GLIS3: variants seen among roughly 807,000 people sequenced by gnomAD.
The protein encoded by GLIS3 is zinc finger protein GLIS3.
In GLIS3, 53 loss-of-function variants were observed where a neutral mutation model predicts 78.6. The ratio of observed to expected loss-of-function variants is 0.67; its 90% confidence interval spans 0.54 to 0.85. The LOEUF is 0.85. Among genes scored for constraint, GLIS3 ranks in the 40% least tolerant of loss-of-function variants. The pLI is 0.00. For missense variants in GLIS3, 1,703 were observed against 1,231.1 expected (o/e 1.38, Z -5.74); for synonymous variants, 684 against 509.9 (o/e 1.34, Z -4.60).
At chr9:4,133,921 C>T (rs1833192312) in intron 2 of GLIS3, among the ~76,000 whole-genome samples, 1 of 151,602 alleles carries the variant, frequency 6.6e-6, no homozygotes, top group Non-Finnish European at 1.5e-5. Flanking sequence ...TTATTTAGGC[C>T]ATTCTAGTTC....
chr9:3,873,525 T>C (rs1351637933), intron 8 of GLIS3, among the ~76,000 whole-genome samples: 3 of 152,160 alleles, frequency 2.0e-5, no homozygotes, highest in Non-Finnish European at 4.4e-5. Context: ...CAGAATAAGG[T>C]GACTATAGTT....
the GLIS3 span, among the ~76,000 whole-genome samples, chr9:4,467,938 C>G: frequency 2.6e-3 from 403 of 152,230 alleles, no homozygotes; most frequent in African/African-American, 8.8e-3. Context: ...ATAGAGAAGA[C>G]CTTAAATGAC....
the GLIS3 span, among the ~76,000 whole-genome samples, chr9:4,459,676 G>A: frequency 6.6e-6 from 1 of 152,126 alleles, no homozygotes; most frequent in Non-Finnish European, 1.5e-5. Flanking sequence ...GAGGCAGAAG[G>A]GCTGCTTGAG....
intron 6 of GLIS3, among the ~76,000 whole-genome samples, chr9:3,924,595 G>C (rs905016748): frequency 1.3e-5 from 2 of 152,156 alleles, no homozygotes; most frequent in African/African-American, 4.8e-5. Flanking sequence ...ACAGATCAGA[G>C]AGCCAAGATA....
chr9:4,414,348 A>T, the GLIS3 span, among the ~76,000 whole-genome samples: 1 of 152,176 alleles, frequency 6.6e-6, no homozygotes, highest in Admixed American at 6.5e-5. Flanking sequence ...AGAAACCGTA[A>T]CTCAATGTGA....
chr9:4,279,099 A>C (rs1404062758), intron 2 of GLIS3, among the ~76,000 whole-genome samples: 1 of 151,954 alleles, frequency 6.6e-6, no homozygotes, highest in Non-Finnish European at 1.5e-5. Context: ...CAGGAGTTCA[A>C]GACCAGCCTG....
chr9:3,850,713 C>T lies in GLIS3; in HGVS notation c.2473+5296G>A, dbSNP rs568606574. Among the ~76,000 whole-genome samples, 3 of 152,288 alleles carry T rather than the reference C, an allele frequency of 2.0e-5. No individual in the cohort carries two copies. The South Asian group carries it at 6.2e-4, about 32-fold the overall frequency. ...GGCACAAAACCCTTCGTGAGCTGGC[C>T]TTGTGAGTTCTCCATTCTCTTCCTC... On this transcript the variant is annotated intron_variant, in intron 9 of 10. Coordinates refer to ENST00000381971, the MANE Select transcript of GLIS3 (RefSeq NM_001042413.2).
the GLIS3 span, among the ~76,000 whole-genome samples, chr9:4,370,087 G>C: frequency 6.7e-6 from 1 of 149,726 alleles, no homozygotes; most frequent in African/African-American, 2.4e-5. Flanking sequence ...AGCTACTCAG[G>C]AGGCTGAGGC....
intron 4 of GLIS3, chr9:4,034,561 C>G (rs180915875): frequency 7.2e-5 from 11 of 152,270 alleles, no homozygotes; most frequent in African/African-American, 2.2e-4. Flanking sequence ...TGGCTGTCCT[C>G]GGGGATTCAC....
At chr9:4,405,065 A>T in the GLIS3 span, among the ~76,000 whole-genome samples, 39 of 152,346 alleles carry the variant, frequency 2.6e-4, no homozygotes, top group African/African-American at 9.1e-4. Flanking sequence ...CAGAAATTCA[A>T]ATGATCCTGC....
At chr9:4,451,449 A>G in the GLIS3 span, among the ~76,000 whole-genome samples, 1 of 152,186 alleles carries the variant, frequency 6.6e-6, no homozygotes, top group Non-Finnish European at 1.5e-5. Flanking sequence ...ACAAGACAGA[A>G]GGTTAACAAG....
intron 2 of GLIS3, among the ~76,000 whole-genome samples, chr9:4,188,881 CTCTCT>C (rs1399594073): frequency 2.0e-5 from 3 of 152,192 alleles, no homozygotes; most frequent in Non-Finnish European, 4.4e-5. Context: ...TTTCACTCTT[CTCTCT>C]TTTTTTCTTT....
chr9:4,061,151 G>C, intron 4 of GLIS3, among the ~76,000 whole-genome samples: 1 of 151,586 alleles, frequency 6.6e-6, no homozygotes, highest in Non-Finnish European at 1.5e-5. Flanking sequence ...GTGCCATGTT[G>C]GTGTGCTGCA....
At chr9:3,841,938 C>G (rs542378358) in intron 9 of GLIS3, among the ~76,000 whole-genome samples, 1 of 152,300 alleles carries the variant, frequency 6.6e-6, no homozygotes, top group South Asian at 2.1e-4. Flanking sequence ...CATAAACTCA[C>G]AAGCAATCTT....
At chr9:4,469,086 C>G in the GLIS3 span, among the ~76,000 whole-genome samples, 1 of 152,208 alleles carries the variant, frequency 6.6e-6, no homozygotes, top group Non-Finnish European at 1.5e-5. Flanking sequence ...GAAGAGCTAA[C>G]TATCCTAAAT....
At chr9:4,233,923 T>C (rs771015147) in intron 2 of GLIS3, among the ~76,000 whole-genome samples, 11 of 152,230 alleles carry the variant, frequency 7.2e-5, no homozygotes, top group African/African-American at 1.4e-4. Context: ...TGCCCTTTTA[T>C]CTTATGGAGA....
At chr9:4,172,950 G>A (rs1200278941) in intron 2 of GLIS3, among the ~76,000 whole-genome samples, 1 of 152,156 alleles carries the variant, frequency 6.6e-6, no homozygotes, top group Non-Finnish European at 1.5e-5. Context: ...GATTTTCCGA[G>A]AAAAGCCAAA....
intron 4 of GLIS3, among the ~76,000 whole-genome samples, chr9:4,049,177 C>A (rs1415010255): frequency 2.6e-5 from 4 of 152,174 alleles, no homozygotes; most frequent in Non-Finnish European, 5.9e-5. Flanking sequence ...AGGAACTACT[C>A]CAGAAGTCTA....
At chr9:3,955,191 G>T (rs566698546) in intron 4 of GLIS3, among the ~76,000 whole-genome samples, 3 of 152,138 alleles carry the variant, frequency 2.0e-5, no homozygotes, top group Admixed American at 2.0e-4. Flanking sequence ...AGTAATCAGG[G>T]AAGATGGCCC....
Sources: allele counts gnomAD v4.1 joint callset (sites outside exome capture counted in the v4.1 genomes callset), GRCh38; gene constraint gnomAD v4.1.1; transcripts MANE v1.5; gene names NCBI Gene and HGNC (gene_info 2026-07-23, HGNC 2026-07-21).